The following KCNQ1OT1 variants were observed in gnomAD, a reference collection of about 807,000 sequenced individuals.
KCNQ1OT1 encodes the protein KCNQ1 opposite strand/antisense transcript 1.
exon 1 of KCNQ1OT1, chr11:2,665,023 G>C (rs1850039396): frequency 2.5e-6 from 1 of 398,562 alleles, no homozygotes; most frequent in Non-Finnish European, 4.4e-6. Flanking sequence ...CCAGAGGTGG[G>C]GTGGGGGGTG....
rs975421351 is a variant in KCNQ1OT1 at position 2,697,619 on chromosome 11, A to C, written n.2376T>G. On this transcript the variant is annotated non_coding_transcript_exon_variant, in exon 1 of 1. Coordinates refer to ENST00000597346, the Ensembl canonical transcript of KCNQ1OT1. ...TATCACATCATTTTTTTCTGCCTCT[A>C]TTGAGGGAACCATATGGTTTTTCTC... is the stretch of plus-strand genomic sequence containing the variant. 6 of 398,554 alleles carry C rather than the reference A, an allele frequency of 1.5e-5. No homozygotes were observed. In the East Asian group the frequency reaches 2.1e-4, roughly 14 times the overall value. 24.7% of individuals were successfully genotyped at this position (398,554 alleles called of 1,614,324 possible).
rs1436617888 is a variant in KCNQ1OT1, at chr11:2,659,627, T to C, written n.40368A>G. The C allele has an allele frequency of 5.0e-6, 2 of 398,552 alleles. No homozygotes were observed. Among genetic ancestry groups the C allele is most frequent in the Non-Finnish European group, 8.8e-6 (2 of 226,024 alleles). The allele number at this position is 398,552 out of a possible 1,614,324, so 24.7% of individuals were successfully genotyped here. On this transcript the variant is annotated non_coding_transcript_exon_variant, in exon 1 of 1. Coordinates refer to ENST00000597346, the Ensembl canonical transcript of KCNQ1OT1. This position sits in a 1 kb window ranked among gnomAD's most constrained non-coding sequence, Gnocchi z 4.3. ...TTCACTTGGGTGGGAAAGGAACCGA[T>C]AGGTCATGTGGTATGTGTATGTTTA...
exon 1 of KCNQ1OT1, chr11:2,648,981 C>CTTTTTTTTTTTTTTTTTTTTT: frequency 2.3e-4 from 48 of 213,286 alleles, no homozygotes; most frequent in Admixed American, 4.8e-4. Context: ...TTTTCTTTTT[C>CTTTTTTTTTTTTTTTTTTTTT]TTTTTTTTTT....
At position 2,668,848 on chromosome 11, in the gene KCNQ1OT1, T is replaced by C. The variant is rs1850130712; in HGVS notation, n.31147A>G. 5.0e-6 allele frequency: 2 copies of C among 398,640 alleles called. No homozygotes were observed. Among genetic ancestry groups the C allele is most frequent in the Non-Finnish European group, 8.8e-6 (2 of 226,074 alleles). The allele number at this position is 398,640 out of a possible 1,614,324, so 24.7% of individuals were successfully genotyped here. ...ACATTTCCTCTCTGGATAGGGCTGT[T>C]TGTGTCCTATTTAAGAAACTTTGAC... On this transcript the variant is annotated non_coding_transcript_exon_variant, in exon 1 of 1. Coordinates refer to ENST00000597346, the Ensembl canonical transcript of KCNQ1OT1. The surrounding 1 kb of genome is among the most constrained non-coding windows in gnomAD (Gnocchi z 4.3).
At chr11:2,697,300 T>C (rs1850693911) in exon 1 of KCNQ1OT1, 1 of 398,466 alleles carries the variant, frequency 2.5e-6, no homozygotes, top group Admixed American at 4.4e-5. Context: ...CACCAAAATG[T>C]TTGAGAATCT....
In KCNQ1OT1 at chr11:2,626,347, A is replaced by T. The variant is rs1589989452; in HGVS notation, n.73648T>A. 5.0e-6 allele frequency: 2 copies of T among 398,518 alleles called. No individual in the cohort carries two copies. The highest frequency in any genetic ancestry group is 4.1e-5 in the African/African-American group (2 of 48,644). The allele number at this position is 398,518 out of a possible 1,614,324, so 24.7% of individuals were successfully genotyped here. On this transcript the variant is annotated non_coding_transcript_exon_variant, in exon 1 of 1. Coordinates refer to ENST00000597346, the Ensembl canonical transcript of KCNQ1OT1. This position sits in a 1 kb window ranked among gnomAD's most constrained non-coding sequence, Gnocchi z 4.0. ...TTAGGTAAGGGTCTCAACTTCAGTT[A>T]TCCTGGCACCATTTGTTGAAAATAC...
rs1850342747 is a variant in KCNQ1OT1, at chr11:2,679,040, T to G, written n.20955A>C. ...AATCTAAAACTTGTAGCCCAGCCCCTCCTCCATACCAACCACCAAAAAAAC... is the reference window on the plus strand; with the variant it reads ...AATCTAAAACTTGTAGCCCAGCCCCGCCTCCATACCAACCACCAAAAAAAC... On this transcript the variant is annotated non_coding_transcript_exon_variant, in exon 1 of 1. Coordinates refer to ENST00000597346, the Ensembl canonical transcript of KCNQ1OT1. This position sits in a 1 kb window ranked among gnomAD's most constrained non-coding sequence, Gnocchi z 4.8. 1 of 398,430 alleles carries G rather than the reference T, an allele frequency of 2.5e-6. No individual in the cohort carries two copies. The highest frequency in any genetic ancestry group is 4.4e-6 in the Non-Finnish European group (1 of 226,068). 24.7% of individuals were successfully genotyped at this position (398,430 alleles called of 1,614,324 possible).
At chr11:2,633,457 C>G (rs1849397746) in exon 1 of KCNQ1OT1, 1 of 398,560 alleles carries the variant, frequency 2.5e-6, no homozygotes, top group Non-Finnish European at 4.4e-6. Context: ...GACCCATATC[C>G]TGAAGGGTTT....
chr11:2,624,221 G>T lies in KCNQ1OT1; in HGVS notation n.75774C>A, dbSNP rs1338881960. 2 of 398,370 alleles carry T rather than the reference G, an allele frequency of 5.0e-6. No homozygotes were observed. Among genetic ancestry groups the T allele is most frequent in the Non-Finnish European group, 8.8e-6 (2 of 226,044 alleles). The allele number at this position is 398,370 out of a possible 1,614,324, so 24.7% of individuals were successfully genotyped here. A position where few individuals can be genotyped will look rare whatever the true frequency, so the allele number is the denominator to read the frequency against. On this transcript the variant is annotated non_coding_transcript_exon_variant, in exon 1 of 1. Coordinates refer to ENST00000597346, the Ensembl canonical transcript of KCNQ1OT1. This position sits in a 1 kb window ranked among gnomAD's most constrained non-coding sequence, Gnocchi z 4.9. The stretch of plus-strand genomic sequence containing the variant: ...TAGTTGCCATCTGTATATCTTCATT[G>T]GTGAGATGTCTGTTAAGGTCTTCAG...
rs888956599 is a variant in KCNQ1OT1, at chr11:2,668,007, A to G, written n.31988T>C. 5.0e-6 allele frequency: 2 copies of G among 398,562 alleles called. No homozygotes were observed. The highest frequency in any genetic ancestry group is 4.1e-5 in the African/African-American group (2 of 48,626). The allele number at this position is 398,562 out of a possible 1,614,324, so 24.7% of individuals were successfully genotyped here. On this transcript the variant is annotated non_coding_transcript_exon_variant, in exon 1 of 1. Coordinates refer to ENST00000597346, the Ensembl canonical transcript of KCNQ1OT1. The surrounding 1 kb of genome is among the most constrained non-coding windows in gnomAD (Gnocchi z 4.3). ...TGTCACTGACCTTGAGATTAACCAC[A>G]GGCCTAACTGCTAGCAGCAAGGACC...
chr11:2,664,963 C>T lies in KCNQ1OT1; in HGVS notation n.35032G>A, dbSNP rs1361766971. Reference sequence around the variant, plus strand: ...GGTGAGGTCACTATAGCCTTGATTACGGGAAGGTCCCTGGGGCTGGGCGAA... The same window carrying T: ...GGTGAGGTCACTATAGCCTTGATTATGGGAAGGTCCCTGGGGCTGGGCGAA... On this transcript the variant is annotated non_coding_transcript_exon_variant, in exon 1 of 1. Coordinates refer to ENST00000597346, the Ensembl canonical transcript of KCNQ1OT1. The surrounding 1 kb of genome is among the most constrained non-coding windows in gnomAD (Gnocchi z 5.1). 5 of 398,500 alleles carry T rather than the reference C, an allele frequency of 1.3e-5. No individual in the cohort carries two copies. The highest frequency in any genetic ancestry group is 1.3e-4 in the South Asian group (1 of 7,868). The allele number at this position is 398,500 out of a possible 1,614,324, so 24.7% of individuals were successfully genotyped here. A position where few individuals can be genotyped will look rare whatever the true frequency, so the allele number is the denominator to read the frequency against.
At position 2,654,534 on chromosome 11, in the gene KCNQ1OT1, T is replaced by G; in HGVS notation, n.45461A>C. 2.5e-6 allele frequency: 1 copy of G among 398,602 alleles called. No individual in the cohort carries two copies. Among genetic ancestry groups the G allele is most frequent in the Non-Finnish European group, 4.4e-6 (1 of 226,188 alleles). 24.7% of individuals were successfully genotyped at this position (398,602 alleles called of 1,614,324 possible). On this transcript the variant is annotated non_coding_transcript_exon_variant, in exon 1 of 1. Transcript: ENST00000597346. This position sits in a 1 kb window ranked among gnomAD's most constrained non-coding sequence, Gnocchi z 6.4. ...CCTGGAAAGCTTGTGGAAGAGGGCT[T>G]GGGTTACACCTGGGAGATTAGGCCG... is the stretch of plus-strand genomic sequence containing the variant.
exon 1 of KCNQ1OT1, chr11:2,649,371 C>T: frequency 2.5e-6 from 1 of 398,322 alleles, no homozygotes; most frequent in Non-Finnish European, 4.4e-6. Context: ...TGTATCTGCT[C>T]TACTAGTGTT....
rs1470266851 is a variant in KCNQ1OT1, at chr11:2,613,502, A to T, written n.86493T>A. Reference sequence around the variant, plus strand: ...GGTCCTCAAGCCTACCGTGCCCCTGAGCTTGGGTGGGGAGATGGCAGCCCC... The same window carrying T: ...GGTCCTCAAGCCTACCGTGCCCCTGTGCTTGGGTGGGGAGATGGCAGCCCC... On this transcript the variant is annotated non_coding_transcript_exon_variant, in exon 1 of 1. Coordinates refer to ENST00000597346, the Ensembl canonical transcript of KCNQ1OT1. This position sits in a 1 kb window ranked among gnomAD's most constrained non-coding sequence, Gnocchi z 4.8. 2 of 398,378 alleles carry T rather than the reference A, an allele frequency of 5.0e-6. No homozygotes were observed. Among genetic ancestry groups the T allele is most frequent in the Non-Finnish European group, 8.8e-6 (2 of 226,044 alleles). The allele number at this position is 398,378 out of a possible 1,614,324, so 24.7% of individuals were successfully genotyped here.
rs1166915183 is a variant in KCNQ1OT1 at position 2,621,874 on chromosome 11, G to T, written n.78121C>A. On this transcript the variant is annotated non_coding_transcript_exon_variant, in exon 1 of 1. Coordinates refer to ENST00000597346, the Ensembl canonical transcript of KCNQ1OT1. This position sits in a 1 kb window ranked among gnomAD's most constrained non-coding sequence, Gnocchi z 5.7. Reference sequence around the variant, plus strand: ...CCCCTATGGTTTTTCTTTCTAACTTGTCTCTGTTCTGATCTTTATTATTTC... The same window carrying T: ...CCCCTATGGTTTTTCTTTCTAACTTTTCTCTGTTCTGATCTTTATTATTTC... 5.0e-6 allele frequency: 2 copies of T among 397,944 alleles called. No homozygotes were observed. Among genetic ancestry groups the T allele is most frequent in the African/African-American group, 2.1e-5 (1 of 48,526 alleles). The allele number at this position is 397,944 out of a possible 1,614,324, so 24.7% of individuals were successfully genotyped here. A position where few individuals can be genotyped will look rare whatever the true frequency, so the allele number is the denominator to read the frequency against.
At chr11:2,667,687 G>A (rs1590019454) in exon 1 of KCNQ1OT1, 1 of 398,784 alleles carries the variant, frequency 2.5e-6, no homozygotes, top group African/African-American at 2.1e-5. Context: ...CTGAAGCACG[G>A]AGGTGACCTA....
At chr11:2,685,023 C>G in exon 1 of KCNQ1OT1, 1 of 398,658 alleles carries the variant, frequency 2.5e-6, no homozygotes, top group Non-Finnish European at 4.4e-6. Context: ...CCATCCCTGT[C>G]TCATGGGTGA....
exon 1 of KCNQ1OT1, chr11:2,675,347 G>T: frequency 2.5e-6 from 1 of 398,534 alleles, no homozygotes; most frequent in Non-Finnish European, 4.4e-6. Context: ...TTTTTTTAAT[G>T]AGTTTAAAAC....
Position 2,657,888 on chromosome 11 carries a change from G to A in KCNQ1OT1, n.42107C>T. 2.5e-6 allele frequency: 1 copy of A among 398,604 alleles called. No homozygotes were observed. Among genetic ancestry groups the A allele is most frequent in the Non-Finnish European group, 4.4e-6 (1 of 226,056 alleles). The allele number at this position is 398,604 out of a possible 1,614,324, so 24.7% of individuals were successfully genotyped here. A position where few individuals can be genotyped will look rare whatever the true frequency, so the allele number is the denominator to read the frequency against. ...TAGGGGAAGGAGGCCAGTGAGGTGA[G>A]ATGCTTTCCTCATTGTGGAACATGA... On this transcript the variant is annotated non_coding_transcript_exon_variant, in exon 1 of 1. Coordinates refer to ENST00000597346, the Ensembl canonical transcript of KCNQ1OT1. This position sits in a 1 kb window ranked among gnomAD's most constrained non-coding sequence, Gnocchi z 4.8.
Sources: gnomAD v4.1 joint callset for allele counts on GRCh38, gnomAD v4.1.1 for gene constraint, Gnocchi (gnomAD v3.1) non-coding constraint, MANE v1.5 for transcripts, NCBI Gene and HGNC (gene_info 2026-07-23, HGNC 2026-07-21) for gene names.